The following SLC9C2 variants were observed in gnomAD, a reference collection of about 807,000 sequenced individuals.
SLC9C2 encodes the protein solute carrier family 9 member C2 (putative).
SLC9C2 carries 75 observed loss-of-function variants against 140.2 expected under a neutral mutation model. That is an observed-to-expected ratio of 0.53 (90% CI 0.44 to 0.65). The LOEUF (loss-of-function observed/expected upper bound fraction) is 0.65, where lower values mean the gene tolerates loss of function less well. Ranked by LOEUF, SLC9C2 falls within the 30% of genes least tolerant of loss-of-function variation. The probability of loss-of-function intolerance (pLI) is 0.00; values close to 1 mark genes in which losing one functional copy is unlikely to be tolerated. For missense variants in SLC9C2, 1,074 were observed against 1,331.8 expected, an observed-to-expected ratio of 0.81 and a Z score of 3.01; for synonymous variants, 375 against 420.9, an observed-to-expected ratio of 0.89 and a Z score of 1.34.
chr1:173,594,100 C>T (rs747786271), intron 4 of SLC9C2, among the ~76,000 whole-genome samples: 11 of 152,064 alleles, frequency 7.2e-5, no homozygotes, highest in Non-Finnish European at 1.6e-4. Flanking sequence ...AACAATTAGG[C>T]TCAGGTATTA....
At chr1:173,589,515 A>AT (rs1477325406) in intron 4 of SLC9C2, among the ~76,000 whole-genome samples, 3 of 152,262 alleles carry the variant, frequency 2.0e-5, no homozygotes, top group South Asian at 4.1e-4. Flanking sequence ...AGGGGTAATC[A>AT]TGCCACTGTA....
intron 19 of SLC9C2, 126 bp from the exon 20 acceptor site, chr1:173,525,053 A>G: frequency 9.5e-7 from 1 of 1,050,250 alleles, no homozygotes; most frequent in Admixed American, 2.8e-5. Flanking sequence ...TTCATGCAGA[A>G]CTCATGAGGT....
chr1:173,563,604 T>G (rs1664260029), intron 9 of SLC9C2, among the ~76,000 whole-genome samples: 1 of 152,206 alleles, frequency 6.6e-6, no homozygotes. Flanking sequence ...TGTGTATTTA[T>G]GGGGTACATG....
intron 11 of SLC9C2, among the ~76,000 whole-genome samples, chr1:173,550,645 G>C (rs1359141496): frequency 1.3e-5 from 2 of 151,558 alleles, no homozygotes; most frequent in African/African-American, 2.4e-5. Flanking sequence ...CACCATGTTG[G>C]CCAGGATGGT....
intron 26 of SLC9C2, among the ~76,000 whole-genome samples, chr1:173,505,001 C>T (rs1211604673): frequency 6.6e-6 from 1 of 152,138 alleles, no homozygotes; most frequent in African/African-American, 2.4e-5. Flanking sequence ...AGAAGCTGCT[C>T]TCCCCTGACT....
intron 19 of SLC9C2, 56 bp from the exon 20 acceptor site, chr1:173,524,983 A>G (rs1002209114): frequency 6.5e-7 from 1 of 1,549,806 alleles, no homozygotes; most frequent in Non-Finnish European, 8.9e-7. Context: ...CACAATAACT[A>G]ATATTAGTAT....
chr1:173,504,653 A>G (rs545813756), intron 26 of SLC9C2, among the ~76,000 whole-genome samples: 1 of 152,138 alleles, frequency 6.6e-6, no homozygotes, highest in Non-Finnish European at 1.5e-5. Context: ...TGAGCACAAG[A>G]TGGAAGATCT....
intron 13 of SLC9C2, among the ~76,000 whole-genome samples, chr1:173,539,647 G>A (rs1010921360): frequency 4.6e-5 from 7 of 152,126 alleles, no homozygotes; most frequent in African/African-American, 1.2e-4. Flanking sequence ...AATCATGAGT[G>A]TAGCTGGGAC....
At chr1:173,597,204 G>C (rs1284286937) in intron 4 of SLC9C2, among the ~76,000 whole-genome samples, 1 of 151,936 alleles carries the variant, frequency 6.6e-6, no homozygotes, top group African/African-American at 2.4e-5. Flanking sequence ...TCTGATCACA[G>C]TGTGATAAGA....
chr1:173,506,066 T>C (rs1283987690), intron 25 of SLC9C2, among the ~76,000 whole-genome samples: 4 of 152,248 alleles, frequency 2.6e-5, no homozygotes, highest in Admixed American at 6.5e-5. Flanking sequence ...TAAAAACATG[T>C]AAATTACCTT....
At chr1:173,602,099 T>TA (rs1475722519) in intron 1 of SLC9C2, among the ~76,000 whole-genome samples, 1 of 152,196 alleles carries the variant, frequency 6.6e-6, no homozygotes, top group Non-Finnish European at 1.5e-5. Context: ...TAGGTGCACT[T>TA]ACCATTGTAA....
chr1:173,505,234 G>T lies in SLC9C2; in HGVS notation c.3310+13C>A. The T allele has an allele frequency of 1.2e-6, 2 of 1,604,860 alleles. No homozygotes were observed. The highest frequency in any genetic ancestry group is 1.1e-5 in the South Asian group (1 of 90,652). On this transcript the variant is annotated intron_variant, in intron 26 of 27. Coordinates refer to ENST00000367714, the MANE Select transcript of SLC9C2 (RefSeq NM_178527.4). ...CTCAATAGTTTTCCTACCACTAAAG[G>T]TCTACCCCTTACCCATGACATTGGT...
rs756597533 is a variant in SLC9C2, at chr1:173,548,500, C to T, written c.1350G>A (p.Gln450=). 1 of 1,613,806 alleles carries T rather than the reference C, an allele frequency of 6.2e-7. No individual in the cohort carries two copies. The highest frequency in any genetic ancestry group is 1.1e-5 in the South Asian group (1 of 91,074). Residue 450 remains glutamine (Q), a synonymous_variant, in exon 12 of 28, where the codon CAG becomes CAA. Coordinates refer to ENST00000367714, the MANE Select transcript of SLC9C2 (RefSeq NM_178527.4). ...PRQMILQNAT[Q]HIQEIVQNTI... is the part of the protein sequence containing the mutation. ...TGTTCTGTACTATCTCCTGTATGTG[C>T]TGAGTGGCATTTTGCAAGATCATTT... is the stretch of plus-strand genomic sequence containing the variant.
chr1:173,501,788 T>TA (rs1659293466), intron 27 of SLC9C2, among the ~76,000 whole-genome samples: 1 of 152,102 alleles, frequency 6.6e-6, no homozygotes, highest in African/African-American at 2.4e-5. Context: ...GAGGGCTGCC[T>TA]AAAAAGAACC....
At chr1:173,574,174 T>C (rs1464555669) in intron 8 of SLC9C2, among the ~76,000 whole-genome samples, 1 of 152,218 alleles carries the variant, frequency 6.6e-6, no homozygotes. Context: ...CTGCCTCCTC[T>C]AGACTCTCTC....
chr1:173,550,557 G>A (rs1417899832), intron 11 of SLC9C2, among the ~76,000 whole-genome samples: 1 of 150,950 alleles, frequency 6.6e-6, no homozygotes, highest in Non-Finnish European at 1.5e-5. Context: ...TCCTGCCTCA[G>A]CCTCCCAAGT....
chr1:173,533,833 T>C (rs750590593), intron 16 of SLC9C2, 36 bp from the exon 17 acceptor site: 2 of 1,536,180 alleles, frequency 1.3e-6, no homozygotes, highest in African/African-American at 1.4e-5. Context: ...ATAGCACCTA[T>C]ACAGTAATGT....
chr1:173,600,138 G>A lies in SLC9C2; in HGVS notation c.207C>T (p.His69=). Residue 69 remains histidine (H), a synonymous_variant, in exon 3 of 28, where the codon CAC becomes CAT. Coordinates refer to ENST00000367714, the MANE Select transcript of SLC9C2 (RefSeq NM_178527.4). ...GTACCTCAACAGAATTGTAGGCCAT[G>A]TGTCCTATCACGAATCCTGATAGAG... ...ILSLSGFVIG[H]MAYNSVEVHQ... 6.2e-7 allele frequency: 1 copy of A among 1,605,754 alleles called. No homozygotes were observed. Among genetic ancestry groups the A allele is most frequent in the African/African-American group, 1.3e-5 (1 of 74,748 alleles).
intron 11 of SLC9C2, among the ~76,000 whole-genome samples, chr1:173,552,028 G>C (rs1304438339): frequency 6.6e-6 from 1 of 152,138 alleles, no homozygotes. Context: ...TGGTAAGAAG[G>C]CAAAACAGCC....
Sources: allele counts gnomAD v4.1 joint callset (sites outside exome capture counted in the v4.1 genomes callset), GRCh38; gene constraint gnomAD v4.1.1; transcripts MANE v1.5; gene names NCBI Gene and HGNC (gene_info 2026-07-23, HGNC 2026-07-21).